Variants in STK10 observed in about 807,000 individuals in gnomAD.
STK10 encodes serine/threonine kinase 10, also known as serine/threonine-protein kinase 10.
A neutral mutation model predicts 113.8 loss-of-function variants in STK10; 78 were observed. The observed-to-expected ratio is 0.69, with a 90% CI of 0.57 to 0.83. The LOEUF is 0.83. Ranked by LOEUF, STK10 falls within the 40% of genes least tolerant of loss-of-function variation. STK10 has a pLI of 0.00. For missense variants in STK10, 1,109 were observed against 1,280.1 expected (o/e 0.87, Z 2.04); for synonymous variants, 465 against 494.7 (o/e 0.94, Z 0.80).
At chr5:172,104,316 G>A (rs559494503) in intron 7 of STK10, among the ~76,000 whole-genome samples, 1 of 152,342 alleles carries the variant, frequency 6.6e-6, no homozygotes, top group South Asian at 2.1e-4. Flanking sequence ...GACCGGGCAA[G>A]TGCTGTGCAC....
intron 1 of STK10, among the ~76,000 whole-genome samples, chr5:172,180,500 T>C (rs1339197476): frequency 6.7e-6 from 1 of 150,002 alleles, no homozygotes; most frequent in Non-Finnish European, 1.5e-5. Context: ...TAAATTAAAA[T>C]ACAGCAACGG....
intron 4 of STK10, among the ~76,000 whole-genome samples, chr5:172,111,726 G>A (rs1769241877): frequency 6.6e-6 from 1 of 152,214 alleles, no homozygotes; most frequent in African/African-American, 2.4e-5. Flanking sequence ...TTTCTCCGCT[G>A]TAATTTCCAT....
intron 3 of STK10, among the ~76,000 whole-genome samples, chr5:172,121,992 C>T (rs1047651114): frequency 6.6e-6 from 1 of 151,886 alleles, no homozygotes; most frequent in East Asian, 1.9e-4. Context: ...CTCAGCCTCC[C>T]GAGTGGCTGG....
At chr5:172,115,428 C>G (rs1446409863) in intron 4 of STK10, among the ~76,000 whole-genome samples, 2 of 152,062 alleles carry the variant, frequency 1.3e-5, no homozygotes, top group Admixed American at 6.6e-5. Flanking sequence ...GCACAGAAAG[C>G]CAAGGGCCAG....
At chr5:172,060,712 C>T (rs1767913652) in intron 14 of STK10, among the ~76,000 whole-genome samples, 1 of 152,170 alleles carries the variant, frequency 6.6e-6, no homozygotes, top group East Asian at 1.9e-4. Flanking sequence ...ACTCTCCAAG[C>T]CTCAGTTTCC....
chr5:172,142,724 C>T (rs60983244), intron 2 of STK10, among the ~76,000 whole-genome samples: 1 of 152,170 alleles, frequency 6.6e-6, no homozygotes, highest in African/African-American at 2.4e-5. Context: ...TAAATGTTAT[C>T]GAGTATTACC....
chr5:172,153,747 A>G (rs944710575), intron 2 of STK10, among the ~76,000 whole-genome samples: 1 of 152,228 alleles, frequency 6.6e-6, no homozygotes, highest in Non-Finnish European at 1.5e-5. Context: ...CATCACACAG[A>G]AGGAAATATC....
At chr5:172,068,292 A>T (rs953379092) in intron 12 of STK10, among the ~76,000 whole-genome samples, 2 of 151,744 alleles carry the variant, frequency 1.3e-5, no homozygotes, top group African/African-American at 4.8e-5. Context: ...GTGAGCCGAG[A>T]TCACACCACT....
At position 172,043,814 on chromosome 5, in the gene STK10, C is replaced by T. The variant is rs1581125744; in HGVS notation, c.*1068G>A. 1 of 152,196 alleles carries T rather than the reference C, an allele frequency of 6.6e-6. No individual in the cohort carries two copies. Among genetic ancestry groups the T allele is most frequent in the South Asian group, 2.1e-4 (1 of 4,830 alleles). The allele number at this position is 152,196 out of a possible 1,614,324, so 9.4% of individuals were successfully genotyped here. The stretch of plus-strand genomic sequence containing the variant: ...TTTTTCTTCCTGAAGAGAAGTCCAA[C>T]AGACTGCCAGCCCAGGTCTGAAATG... On this transcript the variant is annotated 3_prime_UTR_variant, in exon 19 of 19. Transcript: ENST00000176763.
chr5:172,150,590 T>C (rs961283124), intron 2 of STK10, among the ~76,000 whole-genome samples: 10 of 152,194 alleles, frequency 6.6e-5, no homozygotes. Context: ...TGTCAGCTAC[T>C]TCCGGGTGTC....
Position 172,105,660 on chromosome 5 carries a change from A to C in STK10, c.866T>G (p.Leu289Arg). The change falls in exon 7 of 19, where the codon CTG becomes CGG. Residue 289 changes from leucine (L) to arginine (R), a missense_variant. Coordinates refer to ENST00000176763, the MANE Select transcript of STK10 (RefSeq NM_005990.4). ...PETRPSAAQL[L>R]EHPFVSSITS... ...GTGGGAGGGGAATCCACTCACCTCC[A>C]GCAGCTGCGCGGCACTGGGTCGGGT... The C allele has an allele frequency of 6.2e-7, 1 of 1,613,828 alleles. No individual in the cohort carries two copies. Among genetic ancestry groups the C allele is most frequent in the Non-Finnish European group, 8.5e-7 (1 of 1,180,012 alleles).
At chr5:172,087,154 G>GTGTGTGTGTGTGTGTGTGT (rs1419850106) in intron 10 of STK10, among the ~76,000 whole-genome samples, 6 of 144,680 alleles carry the variant, frequency 4.1e-5, no homozygotes, top group African/African-American at 1.3e-4. Flanking sequence ...GTGTGTGTGT[G>GTGTGTGTGTGTGTGTGTGT]GTGTATGCAG....
chr5:172,122,575 C>T (rs1326922825), intron 3 of STK10, among the ~76,000 whole-genome samples: 1 of 152,198 alleles, frequency 6.6e-6, no homozygotes, highest in African/African-American at 2.4e-5. Flanking sequence ...TAATTCTAGC[C>T]TCTCATCCTT....
At chr5:172,094,963 AGAGT>A (rs1210702690) in intron 8 of STK10, among the ~76,000 whole-genome samples, 2 of 152,184 alleles carry the variant, frequency 1.3e-5, no homozygotes, top group East Asian at 1.9e-4. Context: ...CTTGGTGAAT[AGAGT>A]GAGTATCCAT....
intron 2 of STK10, among the ~76,000 whole-genome samples, chr5:172,130,948 CAAAGA>C (rs1171337241): frequency 6.9e-6 from 1 of 145,948 alleles, no homozygotes; most frequent in African/African-American, 2.5e-5. Context: ...CAAAACAAAA[CAAAGA>C]AATGTCTTCC....
chr5:172,135,930 G>C (rs1769848373), intron 2 of STK10, among the ~76,000 whole-genome samples: 1 of 151,914 alleles, frequency 6.6e-6, no homozygotes, highest in African/African-American at 2.4e-5. Context: ...GGGTGGCTGA[G>C]GTATGAGAAT....
At chr5:172,064,878 T>C in intron 12 of STK10, 66 bp from the exon 13 acceptor site, 1 of 1,559,566 alleles carries the variant, frequency 6.4e-7, no homozygotes, top group African/African-American at 1.4e-5. Flanking sequence ...AGTATAATCT[T>C]CAACGCAGAA....
intron 12 of STK10, among the ~76,000 whole-genome samples, chr5:172,068,462 T>C (rs965525334): frequency 3.9e-5 from 6 of 152,086 alleles, no homozygotes; most frequent in African/African-American, 7.3e-5. Context: ...AAAGGCTACA[T>C]TGGAAGTTCT....
intron 12 of STK10, among the ~76,000 whole-genome samples, chr5:172,073,793 C>CAAAAAAA (rs60492751): frequency 7.9e-4 from 46 of 58,432 alleles, no homozygotes; most frequent in African/African-American, 2.1e-3. Flanking sequence ...CTAAAAATAG[C>CAAAAAAA]AAAAAAAAAA....
Sources: allele counts gnomAD v4.1 joint callset (sites outside exome capture counted in the v4.1 genomes callset), GRCh38; gene constraint gnomAD v4.1.1; transcripts MANE v1.5; gene names NCBI Gene and HGNC (gene_info 2026-07-23, HGNC 2026-07-21).